Variants in ZMIZ1 observed in about 807,000 individuals in gnomAD.
ZMIZ1 encodes the protein zinc finger MIZ domain-containing protein 1.
ZMIZ1 carries 17 observed loss-of-function variants against 113.9 expected under a neutral mutation model. The observed-to-expected ratio is 0.15, with a 90% CI of 0.10 to 0.22. The LOEUF (loss-of-function observed/expected upper bound fraction) is 0.22, where lower values mean the gene tolerates loss of function less well. Ranked by LOEUF, ZMIZ1 falls within the 10% of genes least tolerant of loss-of-function variation. ZMIZ1 has a pLI of 1.00. For missense variants in ZMIZ1, 1,059 were observed against 1,477.8 expected, an observed-to-expected ratio of 0.72 and a Z score of 4.65; for synonymous variants, 607 against 603.1, an observed-to-expected ratio of 1.01 and a Z score of -0.09.
Position 79,305,720 on chromosome 10 carries a change from C to T in ZMIZ1, c.2423+119C>T, listed in dbSNP as rs556728242. 2.7e-4 allele frequency: 268 copies of T among 994,922 alleles called. No homozygotes were observed. In the African/African-American group the frequency reaches 4.0e-3, roughly 15 times the overall value. The allele number at this position is 994,922 out of a possible 1,614,324, so 61.6% of individuals were successfully genotyped here. A position where few individuals can be genotyped will look rare whatever the true frequency, so the allele number is the denominator to read the frequency against. On this transcript the variant is annotated intron_variant, in intron 21 of 24. Coordinates refer to ENST00000334512, the MANE Select transcript of ZMIZ1 (RefSeq NM_020338.4). ...CCCTCCCAGGCCAGCAGACCGTGAC[C>T]CACATCCCCCACCTCTCTGTCCCTT...
At chr10:79,212,211 G>A (rs1039698801) in intron 6 of ZMIZ1, among the ~76,000 whole-genome samples, 1 of 151,822 alleles carries the variant, frequency 6.6e-6, no homozygotes, top group Non-Finnish European at 1.5e-5. Context: ...AGGCTGGAAT[G>A]CAGTGGCACG....
intron 3 of ZMIZ1, among the ~76,000 whole-genome samples, chr10:79,143,022 G>A (rs113099723): frequency 5.9e-5 from 9 of 152,298 alleles, no homozygotes; most frequent in African/African-American, 9.6e-5. Context: ...AATCATATAC[G>A]TGCGTGTCAG....
intron 4 of ZMIZ1, among the ~76,000 whole-genome samples, chr10:79,170,393 C>G (rs944938687): frequency 2.0e-5 from 3 of 152,226 alleles, no homozygotes; most frequent in Admixed American, 1.3e-4. Flanking sequence ...CCGCCCCATT[C>G]CTTTTAGCCA....
At chr10:79,127,553 T>C (rs1306067070) in intron 2 of ZMIZ1, among the ~76,000 whole-genome samples, 6 of 136,330 alleles carry the variant, frequency 4.4e-5, no homozygotes, top group African/African-American at 1.6e-4. Flanking sequence ...CCTCATAATA[T>C]CAAGTGGGCT....
chr10:79,257,495 GC>G (rs1376564259), intron 7 of ZMIZ1, among the ~76,000 whole-genome samples: 19 of 152,242 alleles, frequency 1.2e-4, no homozygotes, highest in Admixed American at 1.0e-3. Context: ...CATCGGTGTT[GC>G]CCTGGGCTTG....
At chr10:79,218,659 GTA>G (rs1395226919) in intron 7 of ZMIZ1, among the ~76,000 whole-genome samples, 1 of 100,362 alleles carries the variant, frequency 1.0e-5, no homozygotes, top group Non-Finnish European at 1.8e-5. Flanking sequence ...TGAAGGAAAA[GTA>G]AAAGTGAAGG....
At chr10:79,304,277 C>T in intron 19 of ZMIZ1, 102 bp downstream of exon 19, 1 of 1,414,830 alleles carries the variant, frequency 7.1e-7, no homozygotes, top group Non-Finnish European at 9.5e-7. Flanking sequence ...TAACACTGTC[C>T]TGAAGGACGT....
chr10:79,161,525 T>C (rs1846115318), intron 3 of ZMIZ1, among the ~76,000 whole-genome samples: 1 of 152,202 alleles, frequency 6.6e-6, no homozygotes, highest in Non-Finnish European at 1.5e-5. Context: ...TGCATCTTGG[T>C]CTGCCTCTCC....
intron 7 of ZMIZ1, among the ~76,000 whole-genome samples, chr10:79,264,533 C>A (rs921987717): frequency 9.2e-5 from 14 of 152,212 alleles, no homozygotes; most frequent in African/African-American, 3.4e-4. Context: ...GCTCCTCCGC[C>A]ATTGCCCTGC....
intron 9 of ZMIZ1, 23 bp downstream of exon 9, chr10:79,289,912 G>GCCA (rs767518117): frequency 1.6e-5 from 25 of 1,605,316 alleles, no homozygotes; most frequent in Non-Finnish European, 2.1e-5. Flanking sequence ...ACTGCCCTCA[G>GCCA]CCACAGCTCT....
chr10:79,228,255 C>G (rs1472220140), intron 7 of ZMIZ1, among the ~76,000 whole-genome samples: 1 of 152,238 alleles, frequency 6.6e-6, no homozygotes, highest in Non-Finnish European at 1.5e-5. Context: ...GAAACTGACG[C>G]TCAAAGAGAT....
chr10:79,272,970 G>A (rs1250809547), intron 7 of ZMIZ1, among the ~76,000 whole-genome samples: 1 of 152,200 alleles, frequency 6.6e-6, no homozygotes, highest in Admixed American at 6.5e-5. Context: ...GGCTGGAGAG[G>A]ATGACAGGGG....
At chr10:79,206,088 A>T (rs879746104) in intron 5 of ZMIZ1, among the ~76,000 whole-genome samples, 5 of 151,560 alleles carry the variant, frequency 3.3e-5, no homozygotes, top group Non-Finnish European at 5.9e-5. Flanking sequence ...AGCCTGGGTG[A>T]CAGAATGAGA....
intron 1 of ZMIZ1, among the ~76,000 whole-genome samples, chr10:79,089,197 A>G (rs1264097079): frequency 6.6e-6 from 1 of 152,186 alleles, no homozygotes; most frequent in East Asian, 1.9e-4. Context: ...GGTGGGGTTC[A>G]TTCCCATGGA....
At chr10:79,148,754 T>C (rs1323431875) in intron 3 of ZMIZ1, among the ~76,000 whole-genome samples, 4 of 152,252 alleles carry the variant, frequency 2.6e-5, no homozygotes, top group African/African-American at 9.6e-5. Context: ...TACTGCCGTC[T>C]TGTAGTTCCT....
At chr10:79,176,231 G>A (rs1846864504) in intron 4 of ZMIZ1, among the ~76,000 whole-genome samples, 1 of 152,038 alleles carries the variant, frequency 6.6e-6, no homozygotes, top group South Asian at 2.1e-4. Context: ...AGAGCTCCCA[G>A]GCTTCTCCAA....
At chr10:79,153,741 G>A (rs1488536248) in intron 3 of ZMIZ1, among the ~76,000 whole-genome samples, 1 of 152,258 alleles carries the variant, frequency 6.6e-6, no homozygotes, top group Non-Finnish European at 1.5e-5. Context: ...CTAAGGCCAT[G>A]TGGCTTGTGA....
At chr10:79,306,782 A>G (rs189406390) in intron 22 of ZMIZ1, among the ~76,000 whole-genome samples, 3 of 152,274 alleles carry the variant, frequency 2.0e-5, no homozygotes, top group African/African-American at 7.2e-5. Flanking sequence ...TGATTCCTGG[A>G]AAGTACCCCC....
At chr10:79,070,664 C>T (rs1440650076) in intron 1 of ZMIZ1, among the ~76,000 whole-genome samples, 5 of 152,064 alleles carry the variant, frequency 3.3e-5, no homozygotes, top group African/African-American at 4.8e-5. Context: ...GGTCACAGAG[C>T]GAGGGCCGCT....
Sources: allele counts gnomAD v4.1 joint callset (sites outside exome capture counted in the v4.1 genomes callset), GRCh38; gene constraint gnomAD v4.1.1; transcripts MANE v1.5; gene names NCBI Gene and HGNC (gene_info 2026-07-23, HGNC 2026-07-21).